Variants in EVL observed in about 807,000 individuals in gnomAD.
EVL encodes ena/VASP-like protein.
A neutral mutation model predicts 59.6 loss-of-function variants in EVL; 21 were observed. That is an observed-to-expected ratio of 0.35 (90% CI 0.25 to 0.51). EVL has a LOEUF of 0.51. Among genes scored for constraint, EVL ranks in the 20% least tolerant of loss-of-function variants. The probability of loss-of-function intolerance (pLI) is 0.97; values close to 1 mark genes in which losing one functional copy is unlikely to be tolerated. For missense variants in EVL, 462 were observed against 546.6 expected, an observed-to-expected ratio of 0.85 and a Z score of 1.54; for synonymous variants, 198 against 203.5, an observed-to-expected ratio of 0.97 and a Z score of 0.23.
chr14:100,004,533 T>G (rs555034463), intron 1 of EVL, among the ~76,000 whole-genome samples: 2 of 152,314 alleles, frequency 1.3e-5, no homozygotes, highest in African/African-American at 4.8e-5. Context: ...TTAATTTCTC[T>G]TTAATTTGAT....
chr14:99,973,678 G>A (rs1200333222), intron 1 of EVL, among the ~76,000 whole-genome samples: 2 of 152,182 alleles, frequency 1.3e-5, no homozygotes, highest in African/African-American at 2.4e-5. Context: ...GGCCAGGCGG[G>A]TCTCGAACTC....
chr14:99,978,318 C>T (rs971070467), intron 1 of EVL, among the ~76,000 whole-genome samples: 4 of 151,530 alleles, frequency 2.6e-5, no homozygotes, highest in South Asian at 2.1e-4. Context: ...AGGAGAATGG[C>T]GCGAACCCGG....
intron 3 of EVL, among the ~76,000 whole-genome samples, chr14:100,119,700 A>G (rs1268413316): frequency 6.6e-6 from 1 of 152,224 alleles, no homozygotes; most frequent in Non-Finnish European, 1.5e-5. Flanking sequence ...TTTTACTCCT[A>G]GAGTTTGTTT....
chr14:100,134,059 C>T (rs182723146), intron 8 of EVL, among the ~76,000 whole-genome samples: 98 of 152,350 alleles, frequency 6.4e-4, no homozygotes, highest in Admixed American at 1.3e-3. Context: ...GGCACGACTG[C>T]TTGTGGAGAC....
chr14:100,131,371 G>T (rs1300802789), intron 7 of EVL, among the ~76,000 whole-genome samples: 1 of 152,196 alleles, frequency 6.6e-6, no homozygotes, highest in Admixed American at 6.5e-5. Flanking sequence ...GCTCAGCAGG[G>T]ATCAATCAGG....
intron 1 of EVL, among the ~76,000 whole-genome samples, chr14:100,046,159 TC>T (rs1400808885): frequency 6.6e-6 from 1 of 152,190 alleles, no homozygotes; most frequent in Non-Finnish European, 1.5e-5. Flanking sequence ...TGAGTCAGCA[TC>T]CCTAACAAGG....
Position 100,101,643 on chromosome 14 carries a change from C to CA in EVL, c.358+3992dup, listed in dbSNP as rs1354803682. Among the ~76,000 whole-genome samples the CA allele has an allele frequency of 3.3e-5, 5 of 152,134 alleles. No individual in the cohort carries two copies. The East Asian group carries it at 5.8e-4, about 18-fold the overall frequency. On this transcript the variant is annotated intron_variant, in intron 3 of 13. Coordinates refer to ENST00000392920, the MANE Select transcript of EVL (RefSeq NM_016337.3). ...GGGCAACAAGAGTGAAACTCCGTCT[C>CA]AAAAAAATAAGTAAAAATTAGAAAA...
rs1215963846 is a variant in EVL, at chr14:100,109,811, C to G, written c.358+12153C>G. On this transcript the variant is annotated intron_variant, in intron 3 of 13. Coordinates refer to ENST00000392920, the MANE Select transcript of EVL (RefSeq NM_016337.3). This position sits in a 1 kb window ranked among gnomAD's most constrained non-coding sequence, Gnocchi z 4.3. Reference sequence around the variant, plus strand: ...CAGCCACAGCCTATGGAAGGGCCTTCAGCTGCTGTGGCCCCGAGGTGTGCA... The same window carrying G: ...CAGCCACAGCCTATGGAAGGGCCTTGAGCTGCTGTGGCCCCGAGGTGTGCA... 2.2e-6 allele frequency: 1 copy of G among 461,244 alleles called. No individual in the cohort carries two copies. The highest frequency in any genetic ancestry group is 4.6e-6 in the Non-Finnish European group (1 of 218,378). 28.6% of individuals were successfully genotyped at this position (461,244 alleles called of 1,614,324 possible).
intron 1 of EVL, among the ~76,000 whole-genome samples, chr14:99,997,200 G>A (rs1319038550): frequency 6.6e-6 from 1 of 152,180 alleles, no homozygotes; most frequent in Admixed American, 6.5e-5. Flanking sequence ...GTTTGCCTAA[G>A]TGTAACTCCT....
intron 8 of EVL, chr14:100,134,709 G>T (rs565548393): frequency 6.6e-6 from 1 of 152,230 alleles, no homozygotes; most frequent in Non-Finnish European, 1.5e-5. Flanking sequence ...TTTGAAAGAC[G>T]AAAAGAGCCC....
At chr14:99,974,745 G>A (rs2060758248) in intron 1 of EVL, 1 of 152,386 alleles carries the variant, frequency 6.6e-6, no homozygotes. Flanking sequence ...TGACTCCTTG[G>A]ATGGTAGTAG....
intron 1 of EVL, among the ~76,000 whole-genome samples, chr14:99,983,558 T>C (rs2060821834): frequency 6.6e-6 from 1 of 152,226 alleles, no homozygotes; most frequent in Non-Finnish European, 1.5e-5. Flanking sequence ...CATGTATTTG[T>C]CCTGGGCCTC....
intron 1 of EVL, among the ~76,000 whole-genome samples, chr14:100,073,468 C>G (rs1050420234): frequency 6.6e-6 from 1 of 151,816 alleles, no homozygotes; most frequent in South Asian, 2.1e-4. Flanking sequence ...GCTACAGGCA[C>G]CCACCACCAT....
chr14:100,062,513 C>T (rs2061855314), upstream of EVL, among the ~76,000 whole-genome samples: 1 of 151,542 alleles, frequency 6.6e-6, no homozygotes, highest in South Asian at 2.1e-4. Context: ...CACAAGAATA[C>T]AGGAAACGAA....
chr14:100,111,446 C>T (rs535075407), intron 3 of EVL, among the ~76,000 whole-genome samples: 1 of 152,134 alleles, frequency 6.6e-6, no homozygotes, highest in East Asian at 1.9e-4. Flanking sequence ...TGTGAGCCAC[C>T]GTGCCCGGCC....
chr14:100,094,753 T>C (rs1378750195), intron 2 of EVL, among the ~76,000 whole-genome samples: 1 of 118,146 alleles, frequency 8.5e-6, no homozygotes, highest in Non-Finnish European at 1.8e-5. Context: ...TAAAAAACCA[T>C]ACTACGGGCC....
At chr14:100,141,368 CAG>C (rs1386742049) in intron 12 of EVL, 122 bp downstream of exon 12, 1 of 1,029,278 alleles carries the variant, frequency 9.7e-7, no homozygotes, top group Non-Finnish European at 1.4e-6. Flanking sequence ...AAAGGCCAGT[CAG>C]GGAGCAGCCA....
intron 1 of EVL, among the ~76,000 whole-genome samples, chr14:100,058,364 G>A (rs544403237): frequency 7.2e-5 from 11 of 152,270 alleles, no homozygotes; most frequent in East Asian, 1.9e-4. Context: ...GTTGATGCCC[G>A]TCTTCCTCAT....
chr14:100,079,727 G>A (rs149266156), intron 1 of EVL, among the ~76,000 whole-genome samples: 19 of 152,254 alleles, frequency 1.2e-4, no homozygotes, highest in Admixed American at 2.6e-4. Flanking sequence ...CTAGGATGGC[G>A]TGTCTGTGTA....
Sources: allele counts gnomAD v4.1 joint callset (sites outside exome capture counted in the v4.1 genomes callset), GRCh38; gene constraint gnomAD v4.1.1; non-coding constraint Gnocchi (gnomAD v3.1); transcripts MANE v1.5; gene names NCBI Gene and HGNC (gene_info 2026-07-23, HGNC 2026-07-21).